The following RBFOX1 variants were observed in gnomAD, a reference collection of about 807,000 sequenced individuals.
The protein encoded by RBFOX1 is RNA binding protein fox-1 homolog 1.
In RBFOX1, 8 loss-of-function variants were observed where a neutral mutation model predicts 57.7. The observed-to-expected ratio is 0.14, with a 90% CI of 0.08 to 0.25. The LOEUF (loss-of-function observed/expected upper bound fraction) is 0.25. RBFOX1 is among the 10% of genes least tolerant of loss of function. The probability of loss-of-function intolerance (pLI) is 1.00; values close to 1 mark genes in which losing one functional copy is unlikely to be tolerated. For synonymous variants in RBFOX1, 326 were observed against 222.4 expected (o/e 1.47, Z -4.15); for missense variants, 611 against 548.5 (o/e 1.11, Z -1.14).
chr16:5,502,361 G>T (rs538938370), intron 2 of RBFOX1, among the ~76,000 whole-genome samples: 14 of 149,578 alleles, frequency 9.4e-5, no homozygotes, highest in Admixed American at 8.7e-4. Flanking sequence ...AGGGTGGGAT[G>T]TGGACACTGT....
rs933888275 is a variant in RBFOX1 at position 6,764,552 on chromosome 16, T to C, written c.-16+109902T>C. Reference sequence around the variant, plus strand: ...GGAGCAACAACAGGAAATAAGGACATGGTTTCTGTCCCCATGGGACTTACA... The same window carrying C: ...GGAGCAACAACAGGAAATAAGGACACGGTTTCTGTCCCCATGGGACTTACA... On this transcript the variant is annotated intron_variant, in intron 3 of 15. Coordinates refer to ENST00000550418, the MANE Select transcript of RBFOX1 (RefSeq NM_018723.4). Among the ~76,000 whole-genome samples, 4 of 152,308 alleles carry C rather than the reference T, an allele frequency of 2.6e-5. No individual in the cohort carries two copies. In the South Asian group the frequency reaches 8.3e-4, roughly 32 times the overall value.
intron 3 of RBFOX1, among the ~76,000 whole-genome samples, chr16:5,786,444 CAG>C (rs77909834): frequency 0.13 from 20,237 of 152,084 alleles, 1,449 homozygotes; most frequent in Non-Finnish European, 0.14. Flanking sequence ...TGTGTTTATG[CAG>C]AGTTGAAATA....
intron 2 of RBFOX1, among the ~76,000 whole-genome samples, chr16:5,524,418 G>C (rs370684459): frequency 6.6e-6 from 1 of 152,160 alleles, no homozygotes; most frequent in African/African-American, 2.4e-5. Context: ...AAAAATGTCT[G>C]AATTTGTGAG....
intron 3 of RBFOX1, among the ~76,000 whole-genome samples, chr16:6,771,484 A>C (rs1193956980): frequency 6.6e-6 from 1 of 152,114 alleles, no homozygotes; most frequent in African/African-American, 2.4e-5. Flanking sequence ...AGACTTTCTG[A>C]TGCCTAAGTC....
chr16:6,381,624 G>A (rs920530749), intron 2 of RBFOX1, among the ~76,000 whole-genome samples: 1 of 152,054 alleles, frequency 6.6e-6, no homozygotes, highest in Admixed American at 6.6e-5. Flanking sequence ...TATCTTCTTG[G>A]GTCATTGAAC....
Position 7,241,550 on chromosome 16 carries a change from T to C in RBFOX1, c.27+189452T>C, listed in dbSNP as rs116877234. Among the ~76,000 whole-genome samples the C allele has an allele frequency of 3.3e-5, 5 of 152,324 alleles. No individual in the cohort carries two copies. In the East Asian group the frequency reaches 7.7e-4, roughly 24 times the overall value. On this transcript the variant is annotated intron_variant, in intron 4 of 15. Transcript: ENST00000550418. The stretch of plus-strand genomic sequence containing the variant: ...GCAAACACTTTTATGGCAGGAACTT[T>C]TATGAATTTTGTTTGGGTTGGGGCA...
intron 2 of RBFOX1, among the ~76,000 whole-genome samples, chr16:6,601,234 C>T (rs553968834): frequency 2.6e-5 from 4 of 151,860 alleles, no homozygotes; most frequent in East Asian, 1.9e-4. Flanking sequence ...TGCTGAATGA[C>T]GAATTGAACC....
At chr16:7,250,697 T>C (rs903084655) in intron 4 of RBFOX1, among the ~76,000 whole-genome samples, 2 of 152,210 alleles carry the variant, frequency 1.3e-5, no homozygotes, top group African/African-American at 4.8e-5. Flanking sequence ...TTTTCAGAAT[T>C]TTTTATGTAC....
intron 1 of RBFOX1, among the ~76,000 whole-genome samples, chr16:5,378,352 C>T (rs1257525385): frequency 6.6e-6 from 1 of 151,584 alleles, no homozygotes; most frequent in East Asian, 1.9e-4. Flanking sequence ...CGCTCTCCAA[C>T]ACCTGCATCC....
chr16:7,475,724 T>A (rs1041305184), intron 4 of RBFOX1, among the ~76,000 whole-genome samples: 1 of 152,208 alleles, frequency 6.6e-6, no homozygotes, highest in Non-Finnish European at 1.5e-5. Flanking sequence ...GGACAAGTTA[T>A]TGAACCTATC....
intron 2 of RBFOX1, among the ~76,000 whole-genome samples, chr16:6,592,185 C>A (rs2097720603): frequency 6.6e-6 from 1 of 152,156 alleles, no homozygotes; most frequent in Non-Finnish European, 1.5e-5. Context: ...AACGTCTCTG[C>A]AATATTTCAA....
At chr16:6,718,520 C>T (rs111460266) in intron 3 of RBFOX1, among the ~76,000 whole-genome samples, 30 of 152,172 alleles carry the variant, frequency 2.0e-4, no homozygotes, top group Non-Finnish European at 4.0e-4. Flanking sequence ...AGTGAAACCA[C>T]CTTTAAGGAG....
chr16:7,702,820 C>T (rs1349337636), intron 14 of RBFOX1, among the ~76,000 whole-genome samples: 1 of 152,166 alleles, frequency 6.6e-6, no homozygotes, highest in African/African-American at 2.4e-5. Flanking sequence ...CAATGCAAAC[C>T]AAAGGATTGT....
intron 3 of RBFOX1, among the ~76,000 whole-genome samples, chr16:6,759,183 C>G (rs936856668): frequency 2.0e-5 from 3 of 150,252 alleles, no homozygotes; most frequent in Non-Finnish European, 2.9e-5. Context: ...CAGAGTCTCG[C>G]TCTGTTGCCC....
chr16:7,154,683 CTTTGTG>C (rs1225501844), intron 4 of RBFOX1, among the ~76,000 whole-genome samples: 10 of 132,846 alleles, frequency 7.5e-5, no homozygotes, highest in Non-Finnish European at 9.5e-5. Context: ...GACCCTCTTC[CTTTGTG>C]TGTGTGTGTG....
intron 14 of RBFOX1, chr16:7,693,300 TATC>T: frequency 6.2e-7 from 1 of 1,612,834 alleles, no homozygotes; most frequent in Non-Finnish European, 8.5e-7. Context: ...TTGTGAATTT[TATC>T]TTCTCTTCCA....
intron 5 of RBFOX1, among the ~76,000 whole-genome samples, chr16:7,542,592 C>T (rs1048960610): frequency 7.9e-5 from 12 of 151,316 alleles, no homozygotes; most frequent in Non-Finnish European, 1.6e-4. Context: ...CAGTGGCTCA[C>T]ACCTGTAATC....
intron 2 of RBFOX1, among the ~76,000 whole-genome samples, chr16:6,475,368 A>G (rs888371978): frequency 1.3e-5 from 2 of 152,214 alleles, no homozygotes; most frequent in African/African-American, 4.8e-5. Context: ...ATTCGGTTGC[A>G]ATAATTCTGT....
chr16:7,179,001 T>C (rs1330258640), intron 4 of RBFOX1, among the ~76,000 whole-genome samples: 2 of 152,188 alleles, frequency 1.3e-5, no homozygotes, highest in African/African-American at 2.4e-5. Context: ...TGGCGGGTGA[T>C]AAACTAATAA....
Sources: gnomAD v4.1 joint callset for allele counts (sites outside exome capture counted in the v4.1 genomes callset) on GRCh38, gnomAD v4.1.1 for gene constraint, MANE v1.5 for transcripts, NCBI Gene and HGNC (gene_info 2026-07-23, HGNC 2026-07-21) for gene names.